The following GAREM1 variants were observed in gnomAD, a reference collection of about 807,000 sequenced individuals.
The protein encoded by GAREM1 is GRB2-associated and regulator of MAPK protein 1.
A neutral mutation model predicts 71.3 loss-of-function variants in GAREM1; 26 were observed. That is an observed-to-expected ratio of 0.36 (90% CI 0.27 to 0.51). The LOEUF is 0.51. Ranked by LOEUF, GAREM1 falls within the 20% of genes least tolerant of loss-of-function variation. The probability of loss-of-function intolerance (pLI) is 0.95; values close to 1 mark genes in which losing one functional copy is unlikely to be tolerated. For synonymous variants in GAREM1, 440 were observed against 433.2 expected (o/e 1.02, Z -0.20); for missense variants, 1,026 against 1,103.1 (o/e 0.93, Z 0.99).
intron 1 of GAREM1, among the ~76,000 whole-genome samples, chr18:32,439,781 AC>A (rs2048715940): frequency 6.6e-6 from 1 of 151,830 alleles, no homozygotes; most frequent in Non-Finnish European, 1.5e-5. Flanking sequence ...ATTCCCAATC[AC>A]CCCCTCTAAG....
At chr18:32,314,887 A>C (rs940369775) in intron 2 of GAREM1, among the ~76,000 whole-genome samples, 1 of 152,066 alleles carries the variant, frequency 6.6e-6, no homozygotes, top group African/African-American at 2.4e-5. Flanking sequence ...GCGCCCTGCC[A>C]ATTTTTTTGA....
intron 2 of GAREM1, among the ~76,000 whole-genome samples, chr18:32,325,645 C>T (rs542515526): frequency 1.3e-5 from 2 of 152,326 alleles, no homozygotes; most frequent in East Asian, 3.9e-4. Context: ...GTTCTCATGG[C>T]TCAGCACAGG....
At chr18:32,442,721 T>C (rs1219632090) in intron 1 of GAREM1, among the ~76,000 whole-genome samples, 1 of 152,158 alleles carries the variant, frequency 6.6e-6, no homozygotes, top group Non-Finnish European at 1.5e-5. Context: ...CTCTACTCAG[T>C]AGCTTTGTTC....
intron 2 of GAREM1, among the ~76,000 whole-genome samples, chr18:32,364,293 C>CTTGATTA (rs1555638800): frequency 1.3e-5 from 2 of 151,368 alleles, no homozygotes; most frequent in Non-Finnish European, 2.9e-5. Flanking sequence ...CCTCAGCCTC[C>CTTGATTA]CAAAGTGCTG....
At chr18:32,273,174 C>T (rs2041488223) in intron 4 of GAREM1, among the ~76,000 whole-genome samples, 1 of 152,142 alleles carries the variant, frequency 6.6e-6, no homozygotes, top group Non-Finnish European at 1.5e-5. Context: ...AGCTACTTCC[C>T]AATATTGGAT....
intron 1 of GAREM1, among the ~76,000 whole-genome samples, chr18:32,430,589 TAG>T (rs2048614209): frequency 6.6e-6 from 1 of 152,172 alleles, no homozygotes; most frequent in Non-Finnish European, 1.5e-5. Flanking sequence ...TTATAAACCA[TAG>T]AGAGACTGCA....
intron 3 of GAREM1, among the ~76,000 whole-genome samples, chr18:32,301,656 T>G (rs2047203348): frequency 6.6e-6 from 1 of 152,194 alleles, no homozygotes; most frequent in Non-Finnish European, 1.5e-5. Flanking sequence ...CAATCCTTCA[T>G]TTGCTATATG....
At chr18:32,295,774 T>G (rs574920895) in intron 3 of GAREM1, among the ~76,000 whole-genome samples, 1 of 152,314 alleles carries the variant, frequency 6.6e-6, no homozygotes, top group East Asian at 1.9e-4. Context: ...CAATATTGTT[T>G]TAATGGGAAT....
intron 2 of GAREM1, among the ~76,000 whole-genome samples, chr18:32,346,607 G>T (rs998857551): frequency 6.6e-6 from 1 of 152,186 alleles, no homozygotes; most frequent in South Asian, 2.1e-4. Flanking sequence ...CAGGGTAGGA[G>T]AACAAATGGT....
At chr18:32,378,817 A>ATGTTT (rs1482444389) in intron 2 of GAREM1, among the ~76,000 whole-genome samples, 1 of 152,162 alleles carries the variant, frequency 6.6e-6, no homozygotes, top group African/African-American at 2.4e-5. Flanking sequence ...GAACAACAGA[A>ATGTTT]TGTACTATTT....
chr18:32,310,768 A>C (rs2047312603), intron 2 of GAREM1, among the ~76,000 whole-genome samples: 1 of 150,652 alleles, frequency 6.6e-6, no homozygotes, highest in Non-Finnish European at 1.5e-5. Context: ...ATTAGTATTA[A>C]ATTTTTTTTT....
intron 4 of GAREM1, among the ~76,000 whole-genome samples, chr18:32,274,961 A>AG (rs1361205839): frequency 6.7e-6 from 1 of 150,062 alleles, no homozygotes; most frequent in Non-Finnish European, 1.5e-5. Flanking sequence ...AAAAATACAA[A>AG]AAAAAAAAAA....
At chr18:32,286,232 TACC>T (rs1209767093) in intron 4 of GAREM1, among the ~76,000 whole-genome samples, 1 of 152,156 alleles carries the variant, frequency 6.6e-6, no homozygotes, top group Non-Finnish European at 1.5e-5. Flanking sequence ...AACAGAACTG[TACC>T]AAAATTTTAG....
intron 2 of GAREM1, among the ~76,000 whole-genome samples, chr18:32,353,051 T>C (rs2047767452): frequency 6.6e-6 from 1 of 152,268 alleles, no homozygotes; most frequent in Non-Finnish European, 1.5e-5. Flanking sequence ...GTTAGCAGAC[T>C]GAATTTTTAG....
At chr18:32,349,409 T>A (rs1342654233) in intron 2 of GAREM1, among the ~76,000 whole-genome samples, 1 of 152,236 alleles carries the variant, frequency 6.6e-6, no homozygotes, top group Non-Finnish European at 1.5e-5. Flanking sequence ...TCAAATCATT[T>A]ATTAAATAAT....
chr18:32,375,256 T>C (rs760848388), intron 2 of GAREM1, among the ~76,000 whole-genome samples: 4 of 152,124 alleles, frequency 2.6e-5, no homozygotes, highest in Non-Finnish European at 4.4e-5. Context: ...TGGTAAACTG[T>C]AGAGGCAAGC....
At chr18:32,451,119 CAG>C in intron 1 of GAREM1, among the ~76,000 whole-genome samples, 1 of 152,050 alleles carries the variant, frequency 6.6e-6, no homozygotes, top group Admixed American at 6.6e-5. Flanking sequence ...CACTGCACTC[CAG>C]AGCTGGATGA....
chr18:32,321,061 C>G (rs928236182), intron 2 of GAREM1, among the ~76,000 whole-genome samples: 1 of 152,192 alleles, frequency 6.6e-6, no homozygotes, highest in Non-Finnish European at 1.5e-5. Context: ...CCGTTTCCAT[C>G]TCTGCCCTTC....
chr18:32,428,972 T>A (rs941693451), intron 1 of GAREM1, among the ~76,000 whole-genome samples: 7 of 152,158 alleles, frequency 4.6e-5, no homozygotes, highest in Non-Finnish European at 4.4e-5. Context: ...TTAGCAAAAT[T>A]TACAGTTTCA....
Sources: allele counts gnomAD v4.1 joint callset (sites outside exome capture counted in the v4.1 genomes callset), GRCh38; gene constraint gnomAD v4.1.1; transcripts MANE v1.5; gene names NCBI Gene and HGNC (gene_info 2026-07-23, HGNC 2026-07-21).